Variants in PARP8 observed in about 807,000 individuals in gnomAD.
PARP8 encodes the protein poly(ADP-ribose) polymerase family member 8.
PARP8 carries 51 observed loss-of-function variants against 124.1 expected under a neutral mutation model. The ratio of observed to expected loss-of-function variants is 0.41; its 90% CI spans 0.33 to 0.52. The LOEUF (loss-of-function observed/expected upper bound fraction) is 0.52, where lower values mean the gene tolerates loss of function less well. Among genes scored for constraint, PARP8 ranks in the 20% least tolerant of loss-of-function variants. The pLI, the probability that PARP8 is intolerant of heterozygous loss-of-function variation, is 0.21. For missense variants in PARP8, 860 were observed against 1,018.9 expected, an observed-to-expected ratio of 0.84 and a Z score of 2.12; for synonymous variants, 391 against 361.5, an observed-to-expected ratio of 1.08 and a Z score of -0.93.
intron 2 of PARP8, chr5:50,738,834 C>G: frequency 1.8e-6 from 1 of 565,190 alleles, no homozygotes. Flanking sequence ...ACGGCTTGGA[C>G]GAGCTTGGCT....
In PARP8 at chr5:50,822,363, C is replaced by T; in HGVS notation, c.1823C>T (p.Ala608Val). ...RKKNYDRVMK[A>V]LDSITSIREM... Reference sequence around the variant, plus strand: ...AAGAACTATGATCGAGTAATGAAAGCACTGGATAGCATAACTTCTATCAGA... The same window carrying T: ...AAGAACTATGATCGAGTAATGAAAGTACTGGATAGCATAACTTCTATCAGA... The change falls in exon 17 of 26, where the codon GCA becomes GTA. Residue 608 changes from alanine to valine, a missense_variant. Around this residue, in one of 2 missense-constraint regions of PARP8, gnomAD observed 343 missense variants for 474.7 expected, o/e 0.72. Transcript: ENST00000281631. 1 of 1,611,456 alleles carries T rather than the reference C, an allele frequency of 6.2e-7. No homozygotes were observed. Among genetic ancestry groups the T allele is most frequent in the Non-Finnish European group, 8.5e-7 (1 of 1,177,810 alleles).
intron 2 of PARP8, among the ~76,000 whole-genome samples, chr5:50,722,094 T>C (rs1224505961): frequency 6.6e-6 from 1 of 152,122 alleles, no homozygotes; most frequent in South Asian, 2.1e-4. Flanking sequence ...AGTGAATGTT[T>C]TATTATAATA....
chr5:50,738,076 C>T (rs574725411), intron 2 of PARP8, among the ~76,000 whole-genome samples: 22 of 152,204 alleles, frequency 1.4e-4, no homozygotes, highest in Admixed American at 8.5e-4. Flanking sequence ...ATTACTATTG[C>T]CCTCGTTAGT....
intron 2 of PARP8, among the ~76,000 whole-genome samples, chr5:50,695,696 A>C (rs924450047): frequency 1.3e-5 from 2 of 152,104 alleles, no homozygotes; most frequent in African/African-American, 2.4e-5. Flanking sequence ...TTCTAATAAC[A>C]AATTATTTGG....
chr5:50,842,669 T>C lies in PARP8; in HGVS notation c.*601T>C, dbSNP rs1190470356. 3 of 151,866 alleles carry C rather than the reference T, an allele frequency of 2.0e-5. No homozygotes were observed. Among genetic ancestry groups the C allele is most frequent in the South Asian group, 2.1e-4 (1 of 4,824 alleles). 9.4% of individuals were successfully genotyped at this position (151,866 alleles called of 1,614,324 possible). ...TCAAAATGTGTGGTTGTGAATATAT[T>C]TGTGTATATTCACACGTATGTTTTG... On this transcript the variant is annotated 3_prime_UTR_variant, in exon 26 of 26. Coordinates refer to ENST00000281631, the MANE Select transcript of PARP8 (RefSeq NM_024615.4).
rs1381026201 is a variant in PARP8 at position 50,845,333 on chromosome 5, A to C, written c.*3265A>C. 1 of 151,768 alleles carries C rather than the reference A, an allele frequency of 6.6e-6. No homozygotes were observed. Among genetic ancestry groups the C allele is most frequent in the Non-Finnish European group, 1.5e-5 (1 of 67,798 alleles). 9.4% of individuals were successfully genotyped at this position (151,768 alleles called of 1,614,324 possible). On this transcript the variant is annotated 3_prime_UTR_variant, in exon 26 of 26. Coordinates refer to ENST00000281631, the MANE Select transcript of PARP8 (RefSeq NM_024615.4). ...ATTAAAGAGTCTGGATAACTTCATC[A>C]GATGGTAATTTAATATGTCATGAAG...
At chr5:50,831,998 A>G (rs1052943974) in intron 22 of PARP8, among the ~76,000 whole-genome samples, 2 of 152,168 alleles carry the variant, frequency 1.3e-5, no homozygotes, top group Non-Finnish European at 2.9e-5. Context: ...GGCATTTGAA[A>G]TCCAAGGCCT....
rs183888873 is a variant in PARP8 at position 50,751,857 on chromosome 5, C to T, written c.184+1669C>T. On this transcript the variant is annotated intron_variant, in intron 3 of 25. Transcript: ENST00000281631. ...AGTGAAATTAATATGATAATGTTTTCCCCATTATTAAATTTTAATCCACAT... is the reference window on the plus strand; with the variant it reads ...AGTGAAATTAATATGATAATGTTTTTCCCATTATTAAATTTTAATCCACAT... Among the ~76,000 whole-genome samples, 731 of 152,114 alleles carry T rather than the reference C, an allele frequency of 4.8e-3. 8 individuals are homozygous for T. In the Middle Eastern group the frequency reaches 0.061, roughly 13 times the overall value.
chr5:50,724,739 G>GTTT (rs200431549), intron 2 of PARP8, among the ~76,000 whole-genome samples: 1 of 150,302 alleles, frequency 6.7e-6, no homozygotes, highest in African/African-American at 2.4e-5. Flanking sequence ...GGTACAAGTG[G>GTTT]TTTTTTTTTG....
At chr5:50,837,106 A>T (rs1053558354) in intron 25 of PARP8, among the ~76,000 whole-genome samples, 1 of 152,164 alleles carries the variant, frequency 6.6e-6, no homozygotes, top group Non-Finnish European at 1.5e-5. Context: ...GAATTTCTGT[A>T]TTTCATAAGC....
chr5:50,772,733 G>T (rs1240996094), intron 7 of PARP8, among the ~76,000 whole-genome samples: 1 of 152,024 alleles, frequency 6.6e-6, no homozygotes, highest in Non-Finnish European at 1.5e-5. Context: ...GTCTTACTCT[G>T]TCACCCAGGC....
intron 14 of PARP8, among the ~76,000 whole-genome samples, chr5:50,802,627 A>G (rs1240865069): frequency 6.6e-6 from 1 of 152,208 alleles, no homozygotes. Context: ...TTAATAATAT[A>G]TAAAAACTTT....
intron 2 of PARP8, among the ~76,000 whole-genome samples, chr5:50,710,329 C>T (rs1205455044): frequency 6.6e-6 from 1 of 151,890 alleles, no homozygotes; most frequent in African/African-American, 2.4e-5. Context: ...TTTCATGGAT[C>T]TTTTCTTAGA....
chr5:50,688,407 A>G (rs755191779), intron 2 of PARP8, among the ~76,000 whole-genome samples: 101 of 152,350 alleles, frequency 6.6e-4, no homozygotes, highest in Middle Eastern at 3.4e-3. Flanking sequence ...CCTGGTGAGC[A>G]GGCATTGCAT....
chr5:50,705,661 T>C (rs1159696863), intron 2 of PARP8, among the ~76,000 whole-genome samples: 2 of 152,000 alleles, frequency 1.3e-5, no homozygotes, highest in Non-Finnish European at 2.9e-5. Context: ...GGCGTGCGCC[T>C]GTAATCCCAG....
chr5:50,741,208 G>A (rs1758008906), intron 2 of PARP8, among the ~76,000 whole-genome samples: 1 of 152,076 alleles, frequency 6.6e-6, no homozygotes. Context: ...TTAAACTTTC[G>A]GGATGCAATA....
intron 3 of PARP8, among the ~76,000 whole-genome samples, chr5:50,751,490 A>G (rs1449882015): frequency 6.6e-6 from 1 of 152,062 alleles, no homozygotes; most frequent in African/African-American, 2.4e-5. Flanking sequence ...AAATATGATC[A>G]CAGAAGACGG....
chr5:50,768,363 A>G (rs1409450524), intron 7 of PARP8, among the ~76,000 whole-genome samples: 1 of 152,220 alleles, frequency 6.6e-6, no homozygotes. Context: ...TAAATGAACT[A>G]AGTCACATTT....
chr5:50,780,410 C>G (rs552592551), intron 9 of PARP8, among the ~76,000 whole-genome samples: 31 of 152,284 alleles, frequency 2.0e-4, no homozygotes, highest in Non-Finnish European at 3.2e-4. Flanking sequence ...TGGTTAATCT[C>G]TACTCACCCA....
Sources: gnomAD v4.1 joint callset for allele counts (sites outside exome capture counted in the v4.1 genomes callset) on GRCh38, gnomAD v4.1.1 for gene constraint, gnomAD v4.1.1 regional missense constraint, MANE v1.5 for transcripts, NCBI Gene and HGNC (gene_info 2026-07-23, HGNC 2026-07-21) for gene names.